The following PAMR1 variants were observed in gnomAD, a reference collection of about 807,000 sequenced individuals.
The protein encoded by PAMR1 is inactive serine protease PAMR1.
Under a neutral mutation model 81.8 loss-of-function variants are expected in PAMR1, and 88 were observed. The observed-to-expected ratio is 1.08, with a 90% CI of 0.91 to 1.28. The LOEUF is 1.28. Among genes scored for constraint, PAMR1 ranks in the 50% most tolerant of loss-of-function variants. The pLI is 0.00. For missense variants in PAMR1, 935 were observed against 919.7 expected (o/e 1.02, Z -0.21); for synonymous variants, 336 against 345.3 (o/e 0.97, Z 0.30).
At chr11:35,491,064 C>T (rs1369618599) in intron 3 of PAMR1, among the ~76,000 whole-genome samples, 1 of 152,160 alleles carries the variant, frequency 6.6e-6, no homozygotes, top group Non-Finnish European at 1.5e-5. Context: ...TTACGAGAAA[C>T]CACCTAAAAT....
At chr11:35,525,100 C>T (rs915853377) in intron 1 of PAMR1, among the ~76,000 whole-genome samples, 1 of 152,150 alleles carries the variant, frequency 6.6e-6, no homozygotes, top group African/African-American at 2.4e-5. Flanking sequence ...TTCTTTCCCT[C>T]TCTTCTTTCT....
At chr11:35,486,555 T>C (rs967821207) in intron 3 of PAMR1, among the ~76,000 whole-genome samples, 1 of 152,188 alleles carries the variant, frequency 6.6e-6, no homozygotes, top group African/African-American at 2.4e-5. Flanking sequence ...GACTGGTTGC[T>C]CTGAGCCAGT....
chr11:35,434,448 C>G, intron 10 of PAMR1, 64 bp downstream of exon 10: 1 of 1,509,534 alleles, frequency 6.6e-7, no homozygotes. Flanking sequence ...ATAATCACTG[C>G]TCTCCCGTGC....
intron 3 of PAMR1, 70 bp downstream of exon 3, chr11:35,491,975 T>C: frequency 1.5e-6 from 2 of 1,338,756 alleles, no homozygotes; most frequent in Middle Eastern, 3.9e-4. Context: ...GAGATAAATT[T>C]TGGTCCATTG....
chr11:35,446,356 G>T (rs529672289), intron 6 of PAMR1, among the ~76,000 whole-genome samples: 1 of 151,930 alleles, frequency 6.6e-6, no homozygotes, highest in Admixed American at 6.6e-5. Flanking sequence ...CTGTGATCTT[G>T]GTTATTTCTT....
intron 1 of PAMR1, among the ~76,000 whole-genome samples, chr11:35,508,909 T>C (rs949695245): frequency 2.6e-5 from 4 of 152,212 alleles, no homozygotes; most frequent in Non-Finnish European, 1.5e-5. Context: ...TAGTATTCCA[T>C]TGTGTATATG....
At chr11:35,521,466 A>G (rs1003322635) in intron 1 of PAMR1, among the ~76,000 whole-genome samples, 1 of 152,154 alleles carries the variant, frequency 6.6e-6, no homozygotes, top group Non-Finnish European at 1.5e-5. Flanking sequence ...TGAGAGGTGG[A>G]GTGTCAGACC....
intron 1 of PAMR1, among the ~76,000 whole-genome samples, chr11:35,494,680 T>C (rs1473186214): frequency 1.3e-5 from 2 of 152,186 alleles, no homozygotes; most frequent in Non-Finnish European, 2.9e-5. Context: ...GAGGCAACCT[T>C]GCCCTATAAA....
At chr11:35,446,238 T>C (rs1856289351) in intron 6 of PAMR1, among the ~76,000 whole-genome samples, 1 of 152,218 alleles carries the variant, frequency 6.6e-6, no homozygotes, top group African/African-American at 2.4e-5. Context: ...TTTTCTTCTT[T>C]ATTAATCTAG....
chr11:35,474,715 C>G lies in PAMR1; in HGVS notation c.409G>C (p.Gly137Arg). The change falls in exon 4 of 11, where the codon GGT becomes CGT. Residue 137 changes from glycine (G) to arginine (R), a missense_variant. Physicochemically the swap from Gly to Arg is moderately radical, Grantham distance 125 (BLOSUM62 -2). Transcript: ENST00000619888. ...GGATAGCTTTCCAACAAAATCTGAC[C>G]CTTTGGGGCTCGCAGAACCTGGCCA... ...RCGQVLRAPK[G>R]QILLESYPLN... The G allele has an allele frequency of 1.2e-6, 2 of 1,610,678 alleles. No individual in the cohort carries two copies. Among genetic ancestry groups the G allele is most frequent in the South Asian group, 1.1e-5 (1 of 90,260 alleles).
chr11:35,471,714 AAC>A (rs1679955214), intron 4 of PAMR1, among the ~76,000 whole-genome samples: 1 of 152,324 alleles, frequency 6.6e-6, no homozygotes, highest in African/African-American at 2.4e-5. Flanking sequence ...CCAGATTGGA[AAC>A]ACAGAAGATG....
intron 6 of PAMR1, among the ~76,000 whole-genome samples, chr11:35,443,794 A>G (rs1327304088): frequency 6.6e-6 from 1 of 152,178 alleles, no homozygotes; most frequent in Non-Finnish European, 1.5e-5. Flanking sequence ...TAGTTCAATC[A>G]CCTTGAAATA....
chr11:35,515,930 G>A (rs913602322), intron 1 of PAMR1, among the ~76,000 whole-genome samples: 18 of 152,190 alleles, frequency 1.2e-4, no homozygotes, highest in South Asian at 2.1e-4. Context: ...TGTAAGTTTC[G>A]TCAAACTATA....
At chr11:35,517,774 T>C (rs1171531665) in intron 1 of PAMR1, among the ~76,000 whole-genome samples, 1 of 152,220 alleles carries the variant, frequency 6.6e-6, no homozygotes, top group Non-Finnish European at 1.5e-5. Context: ...TGCAAGTGCC[T>C]TCAGAAAAAG....
chr11:35,504,300 A>G (rs1373792343), intron 1 of PAMR1, among the ~76,000 whole-genome samples: 1 of 152,126 alleles, frequency 6.6e-6, no homozygotes, highest in East Asian at 1.9e-4. Context: ...AGTTATTTGC[A>G]TCTGGGCTCA....
At chr11:35,513,025 G>C (rs1851101021) in intron 1 of PAMR1, among the ~76,000 whole-genome samples, 1 of 152,122 alleles carries the variant, frequency 6.6e-6, no homozygotes, top group Non-Finnish European at 1.5e-5. Context: ...TGGCGAGCAG[G>C]ATGCTCAGTA....
At chr11:35,501,899 G>C (rs1013858649) in intron 1 of PAMR1, among the ~76,000 whole-genome samples, 1 of 152,222 alleles carries the variant, frequency 6.6e-6, no homozygotes, top group African/African-American at 2.4e-5. Context: ...AAACATAAGA[G>C]TGGAGATGTC....
chr11:35,511,194 C>T (rs1409826189), intron 1 of PAMR1, among the ~76,000 whole-genome samples: 1 of 152,190 alleles, frequency 6.6e-6, no homozygotes, highest in Admixed American at 6.5e-5. Flanking sequence ...ACAAAATGTG[C>T]TTTACAACTA....
intron 6 of PAMR1, among the ~76,000 whole-genome samples, chr11:35,464,373 AT>A (rs1206933101): frequency 6.6e-6 from 1 of 152,206 alleles, no homozygotes; most frequent in Non-Finnish European, 1.5e-5. Flanking sequence ...AAATTGAAAA[AT>A]TGTATGCATA....
Sources: allele counts gnomAD v4.1 joint callset (sites outside exome capture counted in the v4.1 genomes callset), GRCh38; gene constraint gnomAD v4.1.1; transcripts MANE v1.5; gene names NCBI Gene and HGNC (gene_info 2026-07-23, HGNC 2026-07-21).